Variants in KCNIP4 observed in about 807,000 individuals in gnomAD.
The protein encoded by KCNIP4 is Kv channel-interacting protein 4.
A neutral mutation model predicts 34.0 loss-of-function variants in KCNIP4; 12 were observed. The observed-to-expected ratio is 0.35, with a 90% CI of 0.23 to 0.57. The LOEUF is 0.57. Ranked by LOEUF, KCNIP4 falls within the 20% of genes least tolerant of loss-of-function variation. KCNIP4 has a pLI of 0.83. For missense variants in KCNIP4, 238 were observed against 311.7 expected (o/e 0.76, Z 1.78); for synonymous variants, 124 against 102.2 (o/e 1.21, Z -1.29).
intron 1 of KCNIP4, among the ~76,000 whole-genome samples, chr4:21,675,226 T>C (rs1003609456): frequency 1.3e-5 from 2 of 152,166 alleles, no homozygotes; most frequent in Non-Finnish European, 2.9e-5. Flanking sequence ...TCTCATTTAT[T>C]TGTGGGATCT....
chr4:21,874,448 A>G (rs778879647), intron 1 of KCNIP4, among the ~76,000 whole-genome samples: 6 of 152,104 alleles, frequency 3.9e-5, no homozygotes, highest in Non-Finnish European at 8.8e-5. Flanking sequence ...GTTGATGGAG[A>G]CAGACATTAG....
intron 1 of KCNIP4, among the ~76,000 whole-genome samples, chr4:21,036,899 G>C (rs1400997934): frequency 1.3e-5 from 2 of 152,356 alleles, no homozygotes; most frequent in Middle Eastern, 6.8e-3. Flanking sequence ...TAGTGACATT[G>C]TAGACCTTTC....
At chr4:21,738,529 A>G (rs6414727) in intron 1 of KCNIP4, among the ~76,000 whole-genome samples, 113,546 of 152,178 alleles carry the variant, frequency 0.75, 44,107 homozygotes, top group African/African-American at 0.91. Context: ...ATTTCAGAAC[A>G]TTGCTCAGGG....
intron 1 of KCNIP4, among the ~76,000 whole-genome samples, chr4:21,922,229 G>A (rs1245940141): frequency 6.6e-6 from 1 of 152,116 alleles, no homozygotes; most frequent in Non-Finnish European, 1.5e-5. Context: ...ACCTCAACAA[G>A]CCACCCTACT....
chr4:20,924,112 T>C (rs1265431566), intron 1 of KCNIP4, among the ~76,000 whole-genome samples: 2 of 152,186 alleles, frequency 1.3e-5, no homozygotes, highest in African/African-American at 4.8e-5. Flanking sequence ...ATTTTGAGTA[T>C]GTGTGGCTTG....
chr4:21,935,558 A>G (rs1364907292), intron 1 of KCNIP4, among the ~76,000 whole-genome samples: 3 of 151,876 alleles, frequency 2.0e-5, no homozygotes, highest in African/African-American at 7.3e-5. Flanking sequence ...TCTTCCACAG[A>G]ATCTTCCCCA....
intron 1 of KCNIP4, among the ~76,000 whole-genome samples, chr4:21,908,750 C>T (rs1455567314): frequency 2.6e-5 from 4 of 152,100 alleles, no homozygotes; most frequent in Admixed American, 2.0e-4. Flanking sequence ...CATTTTATTT[C>T]TACAGTGTCT....
Position 21,082,772 on chromosome 4 carries a change from C to T in KCNIP4, c.62-200063G>A, listed in dbSNP as rs138932192. ...TGCTCTCCTCCAAAAGAAAAATATG[C>T]TCATGATAACAATAACTAATGTGTA... On this transcript the variant is annotated intron_variant, in intron 1 of 8. Coordinates refer to ENST00000382152, the MANE Select transcript of KCNIP4 (RefSeq NM_025221.6). Among the ~76,000 whole-genome samples the T allele has an allele frequency of 1.2e-3, 177 of 151,864 alleles. 2 individuals are homozygous for T. Among genetic ancestry groups the T allele is most frequent in the African/African-American group, 4.2e-3 (172 of 41,290 alleles).
At chr4:20,911,989 CAGT>C (rs1728372808) in intron 1 of KCNIP4, among the ~76,000 whole-genome samples, 1 of 152,174 alleles carries the variant, frequency 6.6e-6, no homozygotes, top group African/African-American at 2.4e-5. Context: ...AATGCTTCCT[CAGT>C]ACAACTATGC....
At chr4:21,276,536 T>C (rs574062209) in intron 1 of KCNIP4, among the ~76,000 whole-genome samples, 12 of 152,300 alleles carry the variant, frequency 7.9e-5, no homozygotes, top group African/African-American at 2.2e-4. Context: ...TTCCTCATCA[T>C]TGGATTCTGA....
intron 1 of KCNIP4, among the ~76,000 whole-genome samples, chr4:21,057,799 G>A (rs1743552126): frequency 6.6e-6 from 1 of 152,188 alleles, no homozygotes; most frequent in African/African-American, 2.4e-5. Flanking sequence ...GAAAGCACAG[G>A]ATAAGAATTG....
At chr4:21,528,603 G>T (rs111954725) in intron 1 of KCNIP4, among the ~76,000 whole-genome samples, 8,841 of 150,490 alleles carry the variant, frequency 0.059, 372 homozygotes, top group East Asian at 0.13. Context: ...GGAGGTGGAG[G>T]TTGCAGTGAG....
At chr4:21,070,725 G>A (rs1279445494) in intron 1 of KCNIP4, among the ~76,000 whole-genome samples, 1 of 131,988 alleles carries the variant, frequency 7.6e-6, no homozygotes, top group African/African-American at 2.9e-5. Flanking sequence ...TCCCAGGCTG[G>A]AGTGCGGTGG....
chr4:21,578,140 C>G (rs969407353), intron 1 of KCNIP4, among the ~76,000 whole-genome samples: 1 of 151,962 alleles, frequency 6.6e-6, no homozygotes, highest in African/African-American at 2.4e-5. Flanking sequence ...TCAAGACCAG[C>G]CTTGCCAACA....
At chr4:21,629,971 C>A (rs1265909548) in intron 1 of KCNIP4, among the ~76,000 whole-genome samples, 1 of 148,228 alleles carries the variant, frequency 6.7e-6, no homozygotes, top group East Asian at 2.1e-4. Context: ...CCACCTAATC[C>A]TCTCTACTAG....
At chr4:20,791,169 C>G (rs1402087960) in intron 3 of KCNIP4, among the ~76,000 whole-genome samples, 1 of 151,968 alleles carries the variant, frequency 6.6e-6, no homozygotes, top group South Asian at 2.1e-4. Context: ...TTTCCAAATA[C>G]TGAAAGAATA....
intron 1 of KCNIP4, among the ~76,000 whole-genome samples, chr4:21,473,633 A>G (rs908822659): frequency 3.3e-5 from 5 of 152,124 alleles, no homozygotes; most frequent in Non-Finnish European, 7.3e-5. Context: ...AGAAAACTTT[A>G]GATAAGAGTT....
chr4:20,779,539 C>T (rs2149389643), intron 3 of KCNIP4, among the ~76,000 whole-genome samples: 1 of 151,106 alleles, frequency 6.6e-6, no homozygotes, highest in African/African-American at 2.4e-5. Flanking sequence ...ATAACCTAAT[C>T]TCTGGAACCT....
intron 1 of KCNIP4, among the ~76,000 whole-genome samples, chr4:21,475,688 C>G (rs1030792868): frequency 6.6e-6 from 1 of 152,148 alleles, no homozygotes; most frequent in Non-Finnish European, 1.5e-5. Flanking sequence ...CCTCGAAATG[C>G]AAATTTGGCT....
Sources: gnomAD v4.1 joint callset for allele counts (sites outside exome capture counted in the v4.1 genomes callset) on GRCh38, gnomAD v4.1.1 for gene constraint, MANE v1.5 for transcripts, NCBI Gene and HGNC (gene_info 2026-07-23, HGNC 2026-07-21) for gene names.